The following FGF14 variants were observed in gnomAD, a reference collection of about 807,000 sequenced individuals.
FGF14 encodes fibroblast growth factor homologous factor 4.
Under a neutral mutation model 25.5 loss-of-function variants are expected in FGF14, and 5 were observed. The observed-to-expected ratio is 0.20, with a 90% confidence interval of 0.10 to 0.41. The LOEUF is 0.41. FGF14 is among the 10% of genes least tolerant of loss of function. The pLI is 1.00. For synonymous variants in FGF14, 138 were observed against 118.3 expected, an observed-to-expected ratio of 1.17 and a Z score of -1.08; for missense variants, 222 against 320.1, an observed-to-expected ratio of 0.69 and a Z score of 2.34.
At chr13:102,048,221 C>T (rs779265314) in intron 1 of FGF14, among the ~76,000 whole-genome samples, 3 of 142,422 alleles carry the variant, frequency 2.1e-5, no homozygotes, top group African/African-American at 5.4e-5. Flanking sequence ...CATAACCTTG[C>T]TCTGTTGTTC....
rs181051819 is a variant in FGF14 at position 102,184,633 on chromosome 13, C to T, written c.208+216838G>A. 1.4e-4 allele frequency among the ~76,000 whole-genome samples: 21 copies of T among 152,098 alleles called. No homozygotes were observed. The East Asian group carries it at 1.5e-3, about 11-fold the overall frequency. On this transcript the variant is annotated intron_variant, in intron 1 of 4. Transcript: ENST00000376131. ...TAATAGTTCAGTTTTTTAAATAATG[C>T]GAATTAAATCAATGTGATGCAGCAT...
chr13:102,002,303 T>C (rs1339511015), intron 1 of FGF14: 2 of 152,182 alleles, frequency 1.3e-5, no homozygotes, highest in Admixed American at 6.5e-5. Flanking sequence ...CATATAAATC[T>C]AAAAGACAAG....
chr13:102,052,182 C>A (rs2140059344), intron 1 of FGF14, among the ~76,000 whole-genome samples: 1 of 151,886 alleles, frequency 6.6e-6, no homozygotes, highest in African/African-American at 2.4e-5. Flanking sequence ...TACTCAAAGA[C>A]AGGTTATTTG....
intron 1 of FGF14, among the ~76,000 whole-genome samples, chr13:102,391,850 T>C (rs2058440094): frequency 6.6e-6 from 1 of 152,246 alleles, no homozygotes; most frequent in African/African-American, 2.4e-5. Flanking sequence ...GACAGGGTCC[T>C]TTCTTTGCTT....
rs528045234 is a variant in FGF14, at chr13:101,926,639, G to T, written c.209-51343C>A. 3.2e-4 allele frequency among the ~76,000 whole-genome samples: 49 copies of T among 152,308 alleles called. 2 individuals carry two copies. In the South Asian group the frequency reaches 7.7e-3, roughly 24 times the overall value. On this transcript the variant is annotated intron_variant, in intron 1 of 4. Transcript: ENST00000376131. ...CTTGAGTTTATAACATGCCTTTCAT[G>T]AGATTTAAGGCCATAGAATCTAGCT...
At chr13:102,181,975 C>T (rs2048693795) in intron 1 of FGF14, among the ~76,000 whole-genome samples, 1 of 152,128 alleles carries the variant, frequency 6.6e-6, no homozygotes, top group East Asian at 1.9e-4. Context: ...GATTTTTAGA[C>T]TCCAGAACTG....
chr13:102,078,372 C>G (rs989896050), intron 1 of FGF14, among the ~76,000 whole-genome samples: 14 of 151,952 alleles, frequency 9.2e-5, no homozygotes, highest in African/African-American at 3.1e-4. Flanking sequence ...TTCAAAACAG[C>G]GTGATGTACA....
At chr13:102,329,832 C>T (rs2056579377) in intron 1 of FGF14, among the ~76,000 whole-genome samples, 1 of 152,104 alleles carries the variant, frequency 6.6e-6, no homozygotes, top group South Asian at 2.1e-4. Flanking sequence ...TTCCATGGCC[C>T]TTACGCACCC....
At chr13:101,810,206 T>C (rs1488150538) in intron 3 of FGF14, among the ~76,000 whole-genome samples, 6 of 152,222 alleles carry the variant, frequency 3.9e-5, no homozygotes, top group Admixed American at 3.9e-4. Context: ...TCTAGTTCGC[T>C]GTTGAGCAAG....
At chr13:102,124,830 C>A (rs1452553394) in intron 1 of FGF14, among the ~76,000 whole-genome samples, 1 of 152,116 alleles carries the variant, frequency 6.6e-6, no homozygotes, top group Non-Finnish European at 1.5e-5. Context: ...CTTCTGCATT[C>A]ATTTTAGGAA....
intron 1 of FGF14, among the ~76,000 whole-genome samples, chr13:102,027,341 A>AT (rs887823341): frequency 6.6e-6 from 1 of 151,262 alleles, no homozygotes. Flanking sequence ...TCCACAGAGG[A>AT]TTTTTTTCTT....
At chr13:101,922,693 T>G (rs9557759) in intron 1 of FGF14, among the ~76,000 whole-genome samples, 1 of 151,840 alleles carries the variant, frequency 6.6e-6, no homozygotes, top group Non-Finnish European at 1.5e-5. Flanking sequence ...AACAGCCTTA[T>G]TGAAATTGAA....
At chr13:102,139,792 G>A (rs923745597) in intron 1 of FGF14, among the ~76,000 whole-genome samples, 2 of 152,134 alleles carry the variant, frequency 1.3e-5, no homozygotes, top group Admixed American at 1.3e-4. Context: ...TCAGCAGCTT[G>A]ATGCTGCAGG....
chr13:101,919,414 C>A (rs2033828941), upstream of FGF14, among the ~76,000 whole-genome samples: 1 of 151,388 alleles, frequency 6.6e-6, no homozygotes, highest in African/African-American at 2.4e-5. Flanking sequence ...GTTCTTTAAG[C>A]CTTTTGATGT....
chr13:102,006,293 T>C (rs2039780968), intron 1 of FGF14, among the ~76,000 whole-genome samples: 1 of 152,206 alleles, frequency 6.6e-6, no homozygotes, highest in Admixed American at 6.5e-5. Flanking sequence ...TATCCATGTG[T>C]AATTACAAAG....
chr13:102,115,642 G>C (rs79934685), intron 1 of FGF14, among the ~76,000 whole-genome samples: 10,872 of 152,150 alleles, frequency 0.071, 447 homozygotes, highest in Non-Finnish European at 0.096. Context: ...AATCCACATG[G>C]ACACAAAGAT....
chr13:102,305,174 T>TA (rs927310324), intron 1 of FGF14, among the ~76,000 whole-genome samples: 46 of 152,300 alleles, frequency 3.0e-4, no homozygotes, highest in African/African-American at 1.1e-3. Context: ...TTACAAAGCT[T>TA]AGAGTTTTTA....
chr13:102,276,779 CTA>C (rs1873357171), intron 1 of FGF14, among the ~76,000 whole-genome samples: 1 of 152,102 alleles, frequency 6.6e-6, no homozygotes, highest in Non-Finnish European at 1.5e-5. Flanking sequence ...TGTTTAGTTA[CTA>C]TAACAGCATG....
Position 101,716,456 on chromosome 13 carries a change from A to G in FGF14, c.*6375T>C, listed in dbSNP as rs2034725311. The stretch of plus-strand genomic sequence containing the variant: ...ACAGAAGTTGTTTATACTCTGTGTC[A>G]GTATATATATCTACTGATAATTAAA... On this transcript the variant is annotated 3_prime_UTR_variant, in exon 5 of 5. Transcript: ENST00000376143. 6.6e-6 allele frequency: 1 copy of G among 152,200 alleles called. No individual in the cohort carries two copies. The highest frequency in any genetic ancestry group is 1.5e-5 in the Non-Finnish European group (1 of 68,024). 9.4% of individuals were successfully genotyped at this position (152,200 alleles called of 1,614,324 possible). A position where few individuals can be genotyped will look rare whatever the true frequency, so the allele number is the denominator to read the frequency against.
Sources: allele counts gnomAD v4.1 joint callset (sites outside exome capture counted in the v4.1 genomes callset), GRCh38; gene constraint gnomAD v4.1.1; transcripts MANE v1.5; gene names NCBI Gene and HGNC (gene_info 2026-07-23, HGNC 2026-07-21).